PGAP1: variants seen among roughly 807,000 people sequenced by gnomAD.
The protein encoded by PGAP1 is post-GPI attachment to proteins inositol deacylase 1, also known as GPI inositol-deacylase.
PGAP1 carries 76 observed loss-of-function variants against 127.0 expected under a neutral mutation model. That is an observed-to-expected ratio of 0.60 (90% CI 0.50 to 0.72). The LOEUF is 0.72. Among genes scored for constraint, PGAP1 ranks in the 30% least tolerant of loss-of-function variants. PGAP1 has a pLI of 0.00. For synonymous variants in PGAP1, 362 were observed against 366.5 expected (o/e 0.99, Z 0.14); for missense variants, 982 against 1,071.3 (o/e 0.92, Z 1.16).
chr2:196,912,971 T>C lies in PGAP1; in HGVS notation c.560A>G (p.Lys187Arg). 1 of 1,613,940 alleles carries C rather than the reference T, an allele frequency of 6.2e-7. No homozygotes were observed. Among genetic ancestry groups the C allele is most frequent in the Non-Finnish European group, 8.5e-7 (1 of 1,179,908 alleles). Reference protein sequence around the residue: ...GLVARALLTLKNFKHDLINLL... With the variant: ...GLVARALLTLRNFKHDLINLL... ...ATTTATCAGATCATGCTTAAAATTT[T>C]TCAGTGTAAGCAATGCTCTTGCAAC... The change falls in exon 4 of 27, where the codon AAA (lysine) becomes AGA (arginine). Residue 187 changes from lysine to arginine, a missense_variant. Transcript: ENST00000354764.
chr2:196,913,797 C>G (rs1681642218), intron 3 of PGAP1, among the ~76,000 whole-genome samples: 2 of 152,186 alleles, frequency 1.3e-5, no homozygotes, highest in Admixed American at 6.5e-5. Context: ...TGGCTCTTGG[C>G]TGGAATCTGG....
chr2:196,903,127 A>C, intron 4 of PGAP1, among the ~76,000 whole-genome samples: 1 of 152,200 alleles, frequency 6.6e-6, no homozygotes, highest in East Asian at 1.9e-4. Flanking sequence ...CTAGAGTTGT[A>C]GACATTTGTG....
At chr2:196,897,218 T>G in intron 6 of PGAP1, 21 bp from the exon 7 acceptor site, 1 of 1,474,246 alleles carries the variant, frequency 6.8e-7, no homozygotes, top group Non-Finnish European at 9.2e-7. Flanking sequence ...AAGTAAGTGT[T>G]ACAAATAAAA....
At position 196,875,840 on chromosome 2, in the gene PGAP1, A is replaced by G. The variant is rs1409385125; in HGVS notation, c.1351-19T>C. ...CAACAAACTGAAATATAAAACATTG[A>G]TTTATTAGAAAAAGTAAGTTAAATT... On this transcript the variant is annotated intron_variant, in intron 13 of 26. Coordinates refer to ENST00000354764, the MANE Select transcript of PGAP1 (RefSeq NM_024989.4). 2 of 1,235,068 alleles carry G rather than the reference A, an allele frequency of 1.6e-6. No homozygotes were observed. Among genetic ancestry groups the G allele is most frequent in the Non-Finnish European group, 2.3e-6 (2 of 854,942 alleles). The allele number at this position is 1,235,068 out of a possible 1,614,324, so 76.5% of individuals were successfully genotyped here. A position where few individuals can be genotyped will look rare whatever the true frequency, so the allele number is the denominator to read the frequency against.
chr2:196,848,920 C>T (rs1700636197), intron 20 of PGAP1, among the ~76,000 whole-genome samples: 1 of 152,158 alleles, frequency 6.6e-6, no homozygotes, highest in South Asian at 2.1e-4. Context: ...TACACTCCTA[C>T]CAGCAGTGTA....
chr2:196,902,085 T>C (rs1188026965), intron 5 of PGAP1, among the ~76,000 whole-genome samples: 1 of 152,200 alleles, frequency 6.6e-6, no homozygotes, highest in Admixed American at 6.5e-5. Flanking sequence ...AGTGATAAAA[T>C]CACAGCTCAC....
chr2:196,842,688 G>T, intron 26 of PGAP1, 33 bp downstream of exon 26: 2 of 1,152,866 alleles, frequency 1.7e-6, no homozygotes, highest in Non-Finnish European at 2.5e-6. Flanking sequence ...GCCAAGAACA[G>T]ATATAAGAAA....
At chr2:196,905,308 T>C (rs191726461) in intron 4 of PGAP1, among the ~76,000 whole-genome samples, 6 of 152,320 alleles carry the variant, frequency 3.9e-5, no homozygotes, top group African/African-American at 7.2e-5. Context: ...TTAATTTTTT[T>C]CCTAAACCTA....
chr2:196,876,107 G>A (rs1701561893), intron 13 of PGAP1, among the ~76,000 whole-genome samples: 1 of 152,072 alleles, frequency 6.6e-6, no homozygotes, highest in South Asian at 2.1e-4. Context: ...AGCTTTAGGT[G>A]TTTGCATAAG....
intron 20 of PGAP1, among the ~76,000 whole-genome samples, chr2:196,864,040 C>A (rs1283193770): frequency 6.6e-6 from 1 of 151,718 alleles, no homozygotes; most frequent in African/African-American, 2.4e-5. Flanking sequence ...CACATGTACC[C>A]CATAAATAGG....
At chr2:196,851,640 C>T (rs887270641) in intron 20 of PGAP1, among the ~76,000 whole-genome samples, 4 of 152,052 alleles carry the variant, frequency 2.6e-5, no homozygotes, top group Non-Finnish European at 4.4e-5. Context: ...TACTTTTGGA[C>T]ACAGTTTGTG....
At chr2:196,900,083 G>A (rs772710438) in intron 5 of PGAP1, among the ~76,000 whole-genome samples, 3 of 152,154 alleles carry the variant, frequency 2.0e-5, no homozygotes, top group African/African-American at 7.2e-5. Flanking sequence ...TTTTCTAATG[G>A]TATGTGAGCA....
intron 1 of PGAP1, among the ~76,000 whole-genome samples, chr2:196,924,879 G>A (rs906089560): frequency 2.6e-5 from 4 of 152,010 alleles, no homozygotes; most frequent in African/African-American, 9.7e-5. Context: ...AATAATTGTA[G>A]GAAATCTAAA....
rs180718767 is a variant in PGAP1, at chr2:196,880,045, A to T, written c.1350+31T>A. 2.4e-4 allele frequency: 359 copies of T among 1,501,166 alleles called. 1 individual carries two copies. Among genetic ancestry groups the T allele is most frequent in the Non-Finnish European group, 3.0e-4 (329 of 1,081,588 alleles). The allele number at this position is 1,501,166 out of a possible 1,614,324, so 93.0% of individuals were successfully genotyped here. A position where few individuals can be genotyped will look rare whatever the true frequency, so the allele number is the denominator to read the frequency against. Reference sequence around the variant, plus strand: ...AAAATTTAGCATGTGTCTCCAAAACATTCTAATAACAATCTTAACCCACTT... The same window carrying T: ...AAAATTTAGCATGTGTCTCCAAAACTTTCTAATAACAATCTTAACCCACTT... On this transcript the variant is annotated intron_variant, in intron 13 of 26. Transcript: ENST00000354764.
rs748276740 is a variant in PGAP1 at position 196,841,341 on chromosome 2, G to A, written c.2662C>T (p.Leu888Phe). ...GCAATCACACCAACAGCCAGAGGAA[G>A]TGGAAATTGTGAAGTAGTCTTCAAC... ...KLLKTTSQFP[L>F]PLAVGVIAFG... is the part of the protein sequence containing the mutation. Residue 888 changes from leucine to phenylalanine, a missense_variant, in exon 27 of 27, where the codon CTT becomes TTT. Transcript: ENST00000354764. 2 of 1,613,592 alleles carry A rather than the reference G, an allele frequency of 1.2e-6. No individual in the cohort carries two copies. Among genetic ancestry groups the A allele is most frequent in the Non-Finnish European group, 1.7e-6 (2 of 1,179,626 alleles).
In PGAP1 at chr2:196,841,115, G is replaced by T; in HGVS notation, c.*119C>A. On this transcript the variant is annotated 3_prime_UTR_variant, in exon 27 of 27. Transcript: ENST00000354764. ...AAACTAATTTCCTATTTTCAATATT[G>T]TAAAAATAGACTTGTCTTCTCCAAA... 1 of 1,087,032 alleles carries T rather than the reference G, an allele frequency of 9.2e-7. No homozygotes were observed. Among genetic ancestry groups the T allele is most frequent in the Non-Finnish European group, 1.3e-6 (1 of 771,094 alleles). The allele number at this position is 1,087,032 out of a possible 1,614,324, so 67.3% of individuals were successfully genotyped here. A position where few individuals can be genotyped will look rare whatever the true frequency, so the allele number is the denominator to read the frequency against.
intron 25 of PGAP1, among the ~76,000 whole-genome samples, chr2:196,843,492 T>C (rs763335248): frequency 2.0e-5 from 3 of 152,210 alleles, no homozygotes; most frequent in African/African-American, 4.8e-5. Context: ...GGGGTTCAAC[T>C]ACTACTTGGA....
chr2:196,845,773 G>A (rs1223539528), intron 23 of PGAP1, 109 bp downstream of exon 23: 2 of 792,326 alleles, frequency 2.5e-6, no homozygotes, highest in East Asian at 2.9e-5. Flanking sequence ...TGTAACAGAG[G>A]GTTACTACAG....
intron 4 of PGAP1, among the ~76,000 whole-genome samples, chr2:196,905,026 GAATA>G (rs1222977413): frequency 6.6e-6 from 1 of 151,976 alleles, no homozygotes; most frequent in Admixed American, 6.6e-5. Flanking sequence ...AAAATAAAAA[GAATA>G]AATATAGAAT....
Sources: gnomAD v4.1 joint callset for allele counts (sites outside exome capture counted in the v4.1 genomes callset) on GRCh38, gnomAD v4.1.1 for gene constraint, MANE v1.5 for transcripts, NCBI Gene and HGNC (gene_info 2026-07-23, HGNC 2026-07-21) for gene names.